The following NTM variants were observed in gnomAD, a reference collection of about 807,000 sequenced individuals.
NTM encodes IgLON family member 2.
A neutral mutation model predicts 42.1 loss-of-function variants in NTM; 13 were observed. The ratio of observed to expected loss-of-function variants is 0.31; its 90% confidence interval spans 0.20 to 0.49. The LOEUF is 0.49. Ranked by LOEUF, NTM falls within the 20% of genes least tolerant of loss-of-function variation. The pLI is 0.99. For synonymous variants in NTM, 187 were observed against 179.2 expected (o/e 1.04, Z -0.35); for missense variants, 373 against 452.8 (o/e 0.82, Z 1.60).
At chr11:131,594,874 T>C (rs1368017422) in intron 1 of NTM, among the ~76,000 whole-genome samples, 1 of 152,130 alleles carries the variant, frequency 6.6e-6, no homozygotes, top group Non-Finnish European at 1.5e-5. Context: ...ATTGCAGTAA[T>C]TTCTCCTCTC....
At chr11:131,751,585 G>A (rs1439990701) in intron 1 of NTM, among the ~76,000 whole-genome samples, 6 of 123,442 alleles carry the variant, frequency 4.9e-5, no homozygotes, top group Non-Finnish European at 1.0e-4. Context: ...GCAAGACTCC[G>A]TCTCAAAAAA....
chr11:131,900,491 C>T (rs1223839171), intron 1 of NTM, among the ~76,000 whole-genome samples: 1 of 152,124 alleles, frequency 6.6e-6, no homozygotes, highest in African/African-American at 2.4e-5. Flanking sequence ...CTGGCAAGAG[C>T]AGAAGGAGGA....
intron 1 of NTM, among the ~76,000 whole-genome samples, chr11:131,564,111 G>GT (rs2056576431): frequency 6.6e-6 from 1 of 152,286 alleles, no homozygotes; most frequent in South Asian, 2.1e-4. Flanking sequence ...TCTGCCAGTG[G>GT]TTTATGCCCC....
intron 3 of NTM, among the ~76,000 whole-genome samples, chr11:132,203,734 A>AAC (rs1362284815): frequency 6.6e-6 from 1 of 152,110 alleles, no homozygotes; most frequent in Non-Finnish European, 1.5e-5. Context: ...TACTAAAAAT[A>AAC]ACACACACAC....
At chr11:131,789,309 C>T (rs1468143904) in intron 1 of NTM, among the ~76,000 whole-genome samples, 2 of 148,744 alleles carry the variant, frequency 1.3e-5, no homozygotes, top group Admixed American at 1.4e-4. Flanking sequence ...GACACATGCC[C>T]AGTGAAATAG....
At chr11:132,069,752 A>G (rs71485720) in intron 2 of NTM, among the ~76,000 whole-genome samples, 1 of 148,468 alleles carries the variant, frequency 6.7e-6, no homozygotes, top group South Asian at 2.2e-4. Context: ...AACACGTCAC[A>G]CAGCCAAGTT....
intron 3 of NTM, among the ~76,000 whole-genome samples, chr11:132,164,924 C>T (rs920036646): frequency 3.3e-5 from 5 of 152,136 alleles, no homozygotes; most frequent in African/African-American, 7.2e-5. Flanking sequence ...CTCATGCAAA[C>T]GCTACTCTTC....
chr11:131,691,783 G>A (rs574095434), intron 1 of NTM, among the ~76,000 whole-genome samples: 240 of 152,340 alleles, frequency 1.6e-3, no homozygotes, highest in Middle Eastern at 0.014. Flanking sequence ...CCCGGGGCTG[G>A]GAGGGAGGCG....
intron 1 of NTM, among the ~76,000 whole-genome samples, chr11:131,629,068 G>C (rs1325782246): frequency 6.6e-6 from 1 of 152,220 alleles, no homozygotes; most frequent in African/African-American, 2.4e-5. Flanking sequence ...CTCTATGTTA[G>C]TGCATGGATT....
chr11:132,097,884 C>A (rs1378797077), intron 2 of NTM, among the ~76,000 whole-genome samples: 3 of 152,228 alleles, frequency 2.0e-5, no homozygotes, highest in African/African-American at 7.2e-5. Flanking sequence ...GGCTGCTCAT[C>A]ACACTAAAGT....
At chr11:132,144,648 G>A (rs530894267) in intron 2 of NTM, among the ~76,000 whole-genome samples, 10 of 152,278 alleles carry the variant, frequency 6.6e-5, no homozygotes, top group African/African-American at 1.4e-4. Context: ...CTAAGAATCT[G>A]TAATAAACCT....
chr11:131,720,075 A>C (rs1334291340), intron 1 of NTM, among the ~76,000 whole-genome samples: 1 of 152,172 alleles, frequency 6.6e-6, no homozygotes, highest in Non-Finnish European at 1.5e-5. Context: ...CATGATCCAA[A>C]AAAGGAGATG....
intron 1 of NTM, among the ~76,000 whole-genome samples, chr11:131,632,336 T>C (rs1052140945): frequency 3.9e-5 from 6 of 152,224 alleles, no homozygotes; most frequent in Non-Finnish European, 1.5e-5. Flanking sequence ...CTTTTATTAC[T>C]GGCTTCCAAT....
At chr11:131,445,863 A>G (rs1461682279) in intron 1 of NTM, among the ~76,000 whole-genome samples, 19 of 152,168 alleles carry the variant, frequency 1.2e-4, no homozygotes, top group Non-Finnish European at 2.5e-4. Context: ...ATTAGTTTCT[A>G]CTGGAGCATA....
chr11:131,504,393 T>C (rs939035440), intron 1 of NTM, among the ~76,000 whole-genome samples: 1 of 152,204 alleles, frequency 6.6e-6, no homozygotes, highest in Non-Finnish European at 1.5e-5. Flanking sequence ...ATAAATCAGA[T>C]AGGACCGCAG....
At chr11:131,581,902 C>G (rs1009852966) in intron 1 of NTM, 7 of 152,370 alleles carry the variant, frequency 4.6e-5, no homozygotes, top group African/African-American at 9.6e-5. Flanking sequence ...TCACTCTCCC[C>G]CCTCTTCTCA....
chr11:131,441,697 C>A (rs1339082506), intron 1 of NTM, among the ~76,000 whole-genome samples: 2 of 152,164 alleles, frequency 1.3e-5, no homozygotes, highest in Admixed American at 1.3e-4. Context: ...TCTAGCCCAG[C>A]CACAGCTAAA....
chr11:131,414,620 C>T (rs1007014970), intron 1 of NTM, among the ~76,000 whole-genome samples: 2 of 152,186 alleles, frequency 1.3e-5, no homozygotes, highest in Non-Finnish European at 1.5e-5. Context: ...ACCATGGTCT[C>T]CCATGCTCTG....
intron 2 of NTM, among the ~76,000 whole-genome samples, chr11:132,031,100 A>G (rs376686336): frequency 1.3e-5 from 2 of 152,196 alleles, no homozygotes; most frequent in South Asian, 4.1e-4. Flanking sequence ...AGGCCAAAGC[A>G]AGGCACAGAG....
Sources: allele counts gnomAD v4.1 joint callset (sites outside exome capture counted in the v4.1 genomes callset), GRCh38; gene constraint gnomAD v4.1.1; transcripts MANE v1.5; gene names NCBI Gene and HGNC (gene_info 2026-07-23, HGNC 2026-07-21).